The following RSPO2 variants were observed in gnomAD, a reference collection of about 807,000 sequenced individuals.
RSPO2 encodes R-spondin-2.
Under a neutral mutation model 30.9 loss-of-function variants are expected in RSPO2, and 14 were observed. The ratio of observed to expected loss-of-function variants is 0.45; its 90% CI spans 0.30 to 0.71. The LOEUF (loss-of-function observed/expected upper bound fraction) is 0.71. Ranked by LOEUF, RSPO2 falls within the 30% of genes least tolerant of loss-of-function variation. The pLI is 0.08. For synonymous variants in RSPO2, 107 were observed against 96.4 expected, an observed-to-expected ratio of 1.11 and a Z score of -0.64; for missense variants, 264 against 301.9, an observed-to-expected ratio of 0.87 and a Z score of 0.93.
intron 3 of RSPO2, among the ~76,000 whole-genome samples, chr8:107,975,218 C>G (rs1382652000): frequency 6.6e-6 from 1 of 152,184 alleles, no homozygotes; most frequent in African/African-American, 2.4e-5. Context: ...CTTTACATGA[C>G]TTTAAATGCT....
At chr8:107,973,171 G>T (rs1814060824) in intron 3 of RSPO2, among the ~76,000 whole-genome samples, 1 of 151,890 alleles carries the variant, frequency 6.6e-6, no homozygotes, top group East Asian at 1.9e-4. Context: ...CCAGGAGGCT[G>T]AGCCAGGAGT....
intron 2 of RSPO2, among the ~76,000 whole-genome samples, chr8:108,026,492 A>C (rs1811222673): frequency 6.6e-6 from 1 of 152,188 alleles, no homozygotes; most frequent in Non-Finnish European, 1.5e-5. Flanking sequence ...ATGTGCACTG[A>C]TATTGAGAAT....
intron 3 of RSPO2, among the ~76,000 whole-genome samples, chr8:107,965,139 T>A (rs922021423): frequency 6.6e-6 from 1 of 152,084 alleles, no homozygotes; most frequent in Admixed American, 6.6e-5. Context: ...AAAATATGGG[T>A]TTTAAGTCCT....
chr8:107,908,773 AAAG>A (rs1811732000), intron 5 of RSPO2, among the ~76,000 whole-genome samples: 1 of 152,224 alleles, frequency 6.6e-6, no homozygotes. Flanking sequence ...TGAGAGAAGA[AAAG>A]AAAATTAAGA....
intron 2 of RSPO2, among the ~76,000 whole-genome samples, chr8:108,059,553 G>GT (rs1812379393): frequency 6.7e-6 from 1 of 149,926 alleles, no homozygotes; most frequent in Non-Finnish European, 1.5e-5. Flanking sequence ...ACATGCACAC[G>GT]TATGTTTATT....
chr8:107,913,089 G>C (rs908489693), intron 5 of RSPO2, among the ~76,000 whole-genome samples: 7 of 124,354 alleles, frequency 5.6e-5, no homozygotes, highest in Non-Finnish European at 1.3e-4. Flanking sequence ...TTAAGGTGAA[G>C]ATATCCCAAA....
At chr8:107,945,321 TCA>T (rs1327786739) in intron 5 of RSPO2, among the ~76,000 whole-genome samples, 1 of 133,472 alleles carries the variant, frequency 7.5e-6, no homozygotes, top group Non-Finnish European at 1.5e-5. Context: ...CGATCTCGGC[TCA>T]CTACAAGCTC....
At chr8:108,064,051 C>T (rs1443431196) in intron 2 of RSPO2, among the ~76,000 whole-genome samples, 18 of 152,194 alleles carry the variant, frequency 1.2e-4, no homozygotes, top group African/African-American at 2.2e-4. Flanking sequence ...AAGACTTAAA[C>T]GTTAGACCTA....
chr8:108,034,093 C>T (rs943394859), intron 2 of RSPO2, among the ~76,000 whole-genome samples: 2 of 152,106 alleles, frequency 1.3e-5, no homozygotes, highest in African/African-American at 4.8e-5. Context: ...TCGGATCGCT[C>T]ATTCTCAGGG....
intron 2 of RSPO2, among the ~76,000 whole-genome samples, chr8:108,046,029 A>G (rs1049658113): frequency 1.3e-5 from 2 of 152,178 alleles, no homozygotes; most frequent in Admixed American, 1.3e-4. Context: ...CACCTCTTAG[A>G]GAGCCAAAAA....
At chr8:107,928,368 C>T (rs917709844) in intron 5 of RSPO2, among the ~76,000 whole-genome samples, 11 of 152,148 alleles carry the variant, frequency 7.2e-5, no homozygotes, top group African/African-American at 2.4e-4. Flanking sequence ...ACTGCCTATT[C>T]TTCTTTTGAA....
intron 5 of RSPO2, among the ~76,000 whole-genome samples, chr8:107,949,136 C>CA (rs1182972209): frequency 6.6e-6 from 1 of 151,972 alleles, no homozygotes; most frequent in African/African-American, 2.4e-5. Context: ...ACACTGTACT[C>CA]AATGTGTAGT....
Position 108,071,461 on chromosome 8 carries a change from T to C in RSPO2, c.94+11084A>G, listed in dbSNP as rs114298126. On this transcript the variant is annotated intron_variant, in intron 2 of 5. Coordinates refer to ENST00000276659, the MANE Select transcript of RSPO2 (RefSeq NM_178565.5). ...CTGTACATTTATCAGACACCAGTGG[T>C]TTTTCAAATTACGTAGTTTCTTGAC... Among the ~76,000 whole-genome samples the C allele has an allele frequency of 3.5e-3, 533 of 152,132 alleles. 2 individuals carry two copies. The highest frequency in any genetic ancestry group is 0.01 in the African/African-American group (432 of 41,526).
intron 2 of RSPO2, among the ~76,000 whole-genome samples, chr8:108,068,092 C>G (rs1812728835): frequency 1.3e-5 from 2 of 152,010 alleles, no homozygotes; most frequent in Admixed American, 1.3e-4. Context: ...AAAAAAACAG[C>G]TAAACTGAAT....
At chr8:107,929,232 G>A (rs1055334454) in intron 5 of RSPO2, among the ~76,000 whole-genome samples, 6 of 152,184 alleles carry the variant, frequency 3.9e-5, no homozygotes, top group African/African-American at 1.4e-4. Context: ...GTTTTGAGAG[G>A]ATAAGTAACA....
chr8:107,961,684 C>A (rs750900000), intron 3 of RSPO2, among the ~76,000 whole-genome samples: 6 of 152,148 alleles, frequency 3.9e-5, no homozygotes, highest in African/African-American at 7.2e-5. Context: ...GCCTCTATTG[C>A]CTCCTGTATT....
chr8:107,987,630 C>T (rs543678772), intron 3 of RSPO2, among the ~76,000 whole-genome samples: 2 of 152,176 alleles, frequency 1.3e-5, no homozygotes, highest in Non-Finnish European at 2.9e-5. Context: ...TAGGACAGGT[C>T]CCATGAAACA....
chr8:108,074,030 A>G (rs975208950), intron 2 of RSPO2, among the ~76,000 whole-genome samples: 10 of 152,316 alleles, frequency 6.6e-5, no homozygotes, highest in Admixed American at 5.2e-4. Context: ...TGAAAGCTCT[A>G]TATCGTCCCT....
At chr8:108,069,991 T>C (rs1170573880) in intron 2 of RSPO2, among the ~76,000 whole-genome samples, 1 of 152,244 alleles carries the variant, frequency 6.6e-6, no homozygotes, top group Non-Finnish European at 1.5e-5. Context: ...ATGCTGATTA[T>C]AGTCATATTG....
Sources: allele counts gnomAD v4.1 joint callset (sites outside exome capture counted in the v4.1 genomes callset), GRCh38; gene constraint gnomAD v4.1.1; transcripts MANE v1.5; gene names NCBI Gene and HGNC (gene_info 2026-07-23, HGNC 2026-07-21).